The following ZNG1E variants were observed in gnomAD, a reference collection of about 807,000 sequenced individuals.
ZNG1E encodes the protein Zn regulated GTPase metalloprotein activator 1E, also known as zinc-regulated GTPase metalloprotein activator 1E.
chr9:65,673,783 C>T, the ZNG1E span, among the ~76,000 whole-genome samples: 44 of 152,362 alleles, frequency 2.9e-4, no homozygotes, highest in East Asian at 9.6e-4. Context: ...CCCTGCTGGG[C>T]GACAGAGTGA....
At chr9:65,721,396 A>AC in the ZNG1E span, among the ~76,000 whole-genome samples, 2 of 145,214 alleles carry the variant, frequency 1.4e-5, no homozygotes, top group Non-Finnish European at 3.0e-5. Context: ...AGTAGTTCTC[A>AC]CCCCTCAGTC....
chr9:65,668,056 G>A, the ZNG1E span, among the ~76,000 whole-genome samples: 3 of 144,436 alleles, frequency 2.1e-5, no homozygotes, highest in Non-Finnish European at 4.6e-5. Flanking sequence ...AAGAGTATCA[G>A]TGCATATTGT....
At chr9:65,675,510 C>G in the ZNG1E span, among the ~76,000 whole-genome samples, 144 of 149,086 alleles carry the variant, frequency 9.7e-4, no homozygotes, top group African/African-American at 3.5e-3. Flanking sequence ...ATTCTTTCCC[C>G]TATGAATTAA....
the ZNG1E span, among the ~76,000 whole-genome samples, chr9:65,688,016 A>G: frequency 6.6e-6 from 1 of 151,100 alleles, no homozygotes; most frequent in African/African-American, 2.4e-5. Flanking sequence ...TTTTTTTAAT[A>G]CTGAATTTTC....
chr9:65,677,475 A>G, the ZNG1E span, among the ~76,000 whole-genome samples: 3 of 152,214 alleles, frequency 2.0e-5, no homozygotes, highest in African/African-American at 4.8e-5. Context: ...TGTAATTTCT[A>G]TTTTGATGTC....
the ZNG1E span, chr9:65,703,849 G>A: frequency 1.9e-5 from 18 of 966,804 alleles, 3 homozygotes; most frequent in African/African-American, 2.5e-4. Context: ...CATGTGAACA[G>A]CTGGGGAATT....
the ZNG1E span, among the ~76,000 whole-genome samples, chr9:65,714,785 C>T: frequency 2.6e-5 from 4 of 151,898 alleles, no homozygotes; most frequent in Non-Finnish European, 4.4e-5. Context: ...GCTGGGAGAA[C>T]CACTGCTCTC....
At chr9:65,715,396 TC>T in the ZNG1E span, among the ~76,000 whole-genome samples, 1 of 150,776 alleles carries the variant, frequency 6.6e-6, no homozygotes, top group African/African-American at 2.5e-5. Flanking sequence ...CCGGAGCTGT[TC>T]CTATTCGGCC....
the ZNG1E span, among the ~76,000 whole-genome samples, chr9:65,724,726 A>G: frequency 4.4e-5 from 4 of 90,230 alleles, no homozygotes; most frequent in East Asian, 9.8e-4. Flanking sequence ...TAGTTTTCCA[A>G]CTTGCATTAA....
chr9:65,721,023 T>C, the ZNG1E span, among the ~76,000 whole-genome samples: 23 of 149,168 alleles, frequency 1.5e-4, no homozygotes, highest in Non-Finnish European at 2.8e-4. Context: ...ATCTGTCATA[T>C]AGTTGAACAT....
chr9:65,669,620 G>C, the ZNG1E span, among the ~76,000 whole-genome samples: 1 of 145,170 alleles, frequency 6.9e-6, no homozygotes, highest in African/African-American at 2.6e-5. Flanking sequence ...TTTGAATGGT[G>C]TTTTCTTTTT....
At chr9:65,657,310 A>T in the ZNG1E span, among the ~76,000 whole-genome samples, 2 of 149,860 alleles carry the variant, frequency 1.3e-5, no homozygotes, top group East Asian at 3.9e-4. Flanking sequence ...AAGATTTGGA[A>T]GCAACTTAAG....
At chr9:65,664,125 A>G in the ZNG1E span, among the ~76,000 whole-genome samples, 256 of 152,200 alleles carry the variant, frequency 1.7e-3, no homozygotes, top group East Asian at 0.042. Flanking sequence ...GTTATTCTAC[A>G]AATCAGTACA....
chr9:65,684,454 T>C, the ZNG1E span, among the ~76,000 whole-genome samples: 1 of 152,186 alleles, frequency 6.6e-6, no homozygotes, highest in African/African-American at 2.4e-5. Context: ...GAGAATCGCT[T>C]GAAAGCTGGG....
chr9:65,656,532 G>A, the ZNG1E span, among the ~76,000 whole-genome samples: 5 of 152,002 alleles, frequency 3.3e-5, no homozygotes, highest in Non-Finnish European at 7.4e-5. Context: ...GTCAAAAATA[G>A]GAGGATTGGG....
At chr9:65,679,588 CT>C in the ZNG1E span, 1 of 385,618 alleles carries the variant, frequency 2.6e-6, no homozygotes, top group African/African-American at 2.1e-5. Context: ...TGGAGTCTCT[CT>C]CTGTCGCCAG....
the ZNG1E span, chr9:65,677,155 A>G: frequency 5.7e-4 from 888 of 1,547,212 alleles, 6 homozygotes; most frequent in East Asian, 0.02. Context: ...TACTGAGAAG[A>G]TGAACAAATT....
chr9:65,661,015 C>G, the ZNG1E span, among the ~76,000 whole-genome samples: 2 of 147,462 alleles, frequency 1.4e-5, no homozygotes. Flanking sequence ...AGTGGATGGC[C>G]ACAACTTGCT....
chr9:65,673,912 T>A, the ZNG1E span, among the ~76,000 whole-genome samples: 1 of 152,296 alleles, frequency 6.6e-6, no homozygotes, highest in Non-Finnish European at 1.5e-5. Context: ...AGGGCTGTAA[T>A]AGCTGCTATT....
Sources: gnomAD v4.1 joint callset for allele counts (sites outside exome capture counted in the v4.1 genomes callset) on GRCh38, gnomAD v4.1.1 for gene constraint, MANE v1.5 for transcripts, NCBI Gene and HGNC (gene_info 2026-07-23, HGNC 2026-07-21) for gene names.